Variants in PDE10A observed in about 807,000 individuals in gnomAD.
PDE10A encodes phosphodiesterase 10A.
In PDE10A, 39 loss-of-function variants were observed where a neutral mutation model predicts 97.7. That is an observed-to-expected ratio of 0.40 (90% CI 0.31 to 0.52). The LOEUF (loss-of-function observed/expected upper bound fraction) is 0.52. Among genes scored for constraint, PDE10A ranks in the 20% least tolerant of loss-of-function variants. The pLI is 0.56. For missense variants in PDE10A, 731 were observed against 1,047.8 expected (o/e 0.70, Z 4.17); for synonymous variants, 371 against 376.8 (o/e 0.98, Z 0.18).
chr6:165,555,976 T>C (rs1421040232), intron 1 of PDE10A, among the ~76,000 whole-genome samples: 1 of 152,166 alleles, frequency 6.6e-6, no homozygotes, highest in African/African-American at 2.4e-5. Flanking sequence ...TTGGAGATTT[T>C]CAACAATTTG....
chr6:165,954,578 C>T (rs1448360376), intron 1 of PDE10A, among the ~76,000 whole-genome samples: 2 of 152,120 alleles, frequency 1.3e-5, no homozygotes, highest in African/African-American at 4.8e-5. Flanking sequence ...GAGGCAGCTG[C>T]CAGCATTGTC....
chr6:165,435,634 C>T (rs1583281273), intron 5 of PDE10A, among the ~76,000 whole-genome samples: 1 of 152,118 alleles, frequency 6.6e-6, no homozygotes, highest in African/African-American at 2.4e-5. Flanking sequence ...TTCAAATAGC[C>T]TCCTATTTTG....
At chr6:165,406,444 C>G (rs1787176742) in intron 13 of PDE10A, among the ~76,000 whole-genome samples, 1 of 152,098 alleles carries the variant, frequency 6.6e-6, no homozygotes, top group Non-Finnish European at 1.5e-5. Flanking sequence ...TTACATAATT[C>G]TCCTTGGAAG....
chr6:165,337,446 C>A (rs1208789934), intron 20 of PDE10A, among the ~76,000 whole-genome samples: 1 of 152,224 alleles, frequency 6.6e-6, no homozygotes, highest in African/African-American at 2.4e-5. Flanking sequence ...AGTCTATCGT[C>A]ATAGCACTCT....
rs542551494 is a variant in PDE10A, at chr6:165,327,948, C to T, written c.*5077G>A. 10 of 152,276 alleles carry T rather than the reference C, an allele frequency of 6.6e-5. No individual in the cohort carries two copies. The highest frequency in any genetic ancestry group is 2.1e-4 in the South Asian group (1 of 4,824). 9.4% of individuals were successfully genotyped at this position (152,276 alleles called of 1,614,324 possible). On this transcript the variant is annotated 3_prime_UTR_variant, in exon 22 of 22. Coordinates refer to ENST00000539869, the MANE Select transcript of PDE10A (RefSeq NM_001385079.1). ...AGCAAACTCTTAGATGCCTTAGCTA[C>T]GTTATGGATCTAGGATCTCTTTTGT...
chr6:165,591,388 T>C (rs1786258627), intron 1 of PDE10A, among the ~76,000 whole-genome samples: 2 of 152,268 alleles, frequency 1.3e-5, no homozygotes, highest in Admixed American at 1.3e-4. Context: ...GAAATTAGCA[T>C]GATTGTATAG....
chr6:165,958,303 TG>T, intron 1 of PDE10A, among the ~76,000 whole-genome samples: 1 of 151,798 alleles, frequency 6.6e-6, no homozygotes, highest in African/African-American at 2.4e-5. Context: ...ATGACCCGAA[TG>T]GGAAAGAAAA....
At chr6:165,368,521 A>G (rs1045975598) in intron 18 of PDE10A, among the ~76,000 whole-genome samples, 1 of 152,218 alleles carries the variant, frequency 6.6e-6, no homozygotes, top group African/African-American at 2.4e-5. Flanking sequence ...TAAACTCAGG[A>G]ACAACCACTT....
In PDE10A at chr6:165,535,932, A is replaced by G. The variant is rs547200036; in HGVS notation, c.994+7508T>C. ...TACAGATTCAATGCAATCTCTCTCA[A>G]AATAACATTGTTCACAGAAATAGAC... On this transcript the variant is annotated intron_variant, in intron 2 of 21. Coordinates refer to ENST00000539869, the MANE Select transcript of PDE10A (RefSeq NM_001385079.1). Among the ~76,000 whole-genome samples, 3 of 152,102 alleles carry G rather than the reference A, an allele frequency of 2.0e-5. No homozygotes were observed. The East Asian group carries it at 5.8e-4, about 29-fold the overall frequency.
intron 1 of PDE10A, among the ~76,000 whole-genome samples, chr6:165,732,377 T>C (rs1452022739): frequency 2.6e-5 from 4 of 152,176 alleles, no homozygotes; most frequent in East Asian, 1.9e-4. Flanking sequence ...TGGGGGCAGG[T>C]GGCCGAGCCA....
chr6:165,984,070 G>A (rs1450114618), intron 1 of PDE10A, among the ~76,000 whole-genome samples: 1 of 152,098 alleles, frequency 6.6e-6, no homozygotes, highest in Non-Finnish European at 1.5e-5. Flanking sequence ...CCCTTCAATG[G>A]TTTCTACAGT....
At chr6:165,499,395 T>C (rs1780735399) in intron 2 of PDE10A, among the ~76,000 whole-genome samples, 1 of 152,152 alleles carries the variant, frequency 6.6e-6, no homozygotes. Flanking sequence ...GCCAGACAAA[T>C]GCTTAGAGCC....
At chr6:165,348,943 C>T (rs538225209) in intron 18 of PDE10A, among the ~76,000 whole-genome samples, 10 of 152,258 alleles carry the variant, frequency 6.6e-5, no homozygotes, top group Admixed American at 2.0e-4. Flanking sequence ...CTCCTGAGGC[C>T]GCCCCAGACA....
chr6:165,944,429 G>T (rs1783692209), intron 1 of PDE10A, among the ~76,000 whole-genome samples: 1 of 152,126 alleles, frequency 6.6e-6, no homozygotes. Flanking sequence ...GACATGGTGG[G>T]CCCCCAGGCA....
At chr6:165,608,852 C>T (rs1282618096) in intron 1 of PDE10A, among the ~76,000 whole-genome samples, 2 of 152,208 alleles carry the variant, frequency 1.3e-5, no homozygotes, top group Non-Finnish European at 2.9e-5. Context: ...TTGCATTTCT[C>T]TGATAGCCAG....
intron 1 of PDE10A, among the ~76,000 whole-genome samples, chr6:165,572,950 G>A (rs776083023): frequency 2.6e-5 from 4 of 152,130 alleles, no homozygotes; most frequent in South Asian, 2.1e-4. Flanking sequence ...TTCAACTAGC[G>A]TTCACGTTAA....
At chr6:165,339,605 G>C (rs919682144) in intron 19 of PDE10A, among the ~76,000 whole-genome samples, 4 of 152,110 alleles carry the variant, frequency 2.6e-5, no homozygotes, top group Non-Finnish European at 5.9e-5. Flanking sequence ...TCATTTTGCA[G>C]AAGTTAGTAA....
intron 1 of PDE10A, among the ~76,000 whole-genome samples, chr6:165,807,749 G>C (rs886090571): frequency 6.6e-6 from 1 of 152,078 alleles, no homozygotes; most frequent in Non-Finnish European, 1.5e-5. Context: ...CGGCGGCAGT[G>C]GTTCACCTAA....
intron 1 of PDE10A, among the ~76,000 whole-genome samples, chr6:165,676,023 C>A (rs984023989): frequency 6.6e-6 from 1 of 152,140 alleles, no homozygotes; most frequent in Non-Finnish European, 1.5e-5. Context: ...AGGAAAGTGT[C>A]GTATACATGG....
Sources: allele counts gnomAD v4.1 joint callset (sites outside exome capture counted in the v4.1 genomes callset), GRCh38; gene constraint gnomAD v4.1.1; transcripts MANE v1.5; gene names NCBI Gene and HGNC (gene_info 2026-07-23, HGNC 2026-07-21).